CDC14B: variants seen among roughly 807,000 people sequenced by gnomAD.
CDC14B encodes cell division cycle 14B.
CDC14B carries 22 observed loss-of-function variants against 64.2 expected under a neutral mutation model. The ratio of observed to expected loss-of-function variants is 0.34; its 90% CI spans 0.24 to 0.49. The LOEUF (loss-of-function observed/expected upper bound fraction) is 0.49. Among genes scored for constraint, CDC14B ranks in the 20% least tolerant of loss-of-function variants. The pLI, the probability that CDC14B is intolerant of heterozygous loss-of-function variation, is 0.99. For missense variants in CDC14B, 498 were observed against 629.9 expected (o/e 0.79, Z 2.24); for synonymous variants, 191 against 215.8 (o/e 0.89, Z 1.01).
chr9:96,582,431 T>C (rs1282790132), intron 1 of CDC14B, among the ~76,000 whole-genome samples: 4 of 152,220 alleles, frequency 2.6e-5, no homozygotes, highest in African/African-American at 9.6e-5. Flanking sequence ...ACAAGTTACT[T>C]CCTCCTTCCT....
chr9:96,605,197 T>C (rs570797473), intron 1 of CDC14B, among the ~76,000 whole-genome samples: 1 of 151,804 alleles, frequency 6.6e-6, no homozygotes, highest in African/African-American at 2.4e-5. Flanking sequence ...AAAATAACAA[T>C]AACGTAATGG....
chr9:96,598,957 T>A (rs1416071065), intron 1 of CDC14B, among the ~76,000 whole-genome samples: 1 of 152,238 alleles, frequency 6.6e-6, no homozygotes, highest in Non-Finnish European at 1.5e-5. Context: ...AAAGTTGAAA[T>A]CTTTCCAAGA....
In CDC14B at chr9:96,541,886, A is replaced by G; in HGVS notation, c.504T>C (p.Ala168=). Reference sequence around the variant, plus strand: ...TGTAGAAATTGCAACTTCCATAGGCAGCATCTCTGAAACCCAAGAGTAATA... The same window carrying G: ...TGTAGAAATTGCAACTTCCATAGGCGGCATCTCTGAAACCCAAGAGTAATA... ...GETSYIPFRD[A]AYGSCNFYIT... is the part of the protein sequence containing the mutation. The change falls in exon 6 of 14, where the codon GCT becomes GCC. Residue 168 remains alanine (A), a synonymous_variant. Transcript: ENST00000375241. 6.2e-7 allele frequency: 1 copy of G among 1,607,136 alleles called. No individual in the cohort carries two copies. The highest frequency in any genetic ancestry group is 8.5e-7 in the Non-Finnish European group (1 of 1,175,172).
chr9:96,609,720 G>A (rs918891167), intron 1 of CDC14B, among the ~76,000 whole-genome samples: 39 of 152,284 alleles, frequency 2.6e-4, no homozygotes, highest in African/African-American at 8.9e-4. Context: ...AAATTGCAAA[G>A]CAGTGCCAAG....
At chr9:96,545,723 T>C (rs563496182) in intron 5 of CDC14B, among the ~76,000 whole-genome samples, 1 of 152,322 alleles carries the variant, frequency 6.6e-6, no homozygotes, top group South Asian at 2.1e-4. Flanking sequence ...TTTTTTTTTT[T>C]TTTGAGAACC....
chr9:96,613,527 C>T (rs890541928), intron 1 of CDC14B, among the ~76,000 whole-genome samples: 12 of 152,198 alleles, frequency 7.9e-5, no homozygotes, highest in Admixed American at 3.3e-4. Context: ...GTTGCCTCCA[C>T]GTGGTGTTGG....
At chr9:96,568,100 CT>C (rs1317630472) in intron 1 of CDC14B, among the ~76,000 whole-genome samples, 4 of 152,070 alleles carry the variant, frequency 2.6e-5, no homozygotes, top group Non-Finnish European at 5.9e-5. Flanking sequence ...TTTTCATTCC[CT>C]CCTGTATTTT....
At chr9:96,549,475 C>G (rs1471884515) in intron 5 of CDC14B, among the ~76,000 whole-genome samples, 1 of 151,878 alleles carries the variant, frequency 6.6e-6, no homozygotes, top group South Asian at 2.1e-4. Flanking sequence ...GACATCCTGG[C>G]CAACATGGTG....
chr9:96,581,803 G>A (rs1463993469), intron 1 of CDC14B, among the ~76,000 whole-genome samples: 1 of 152,166 alleles, frequency 6.6e-6, no homozygotes, highest in Non-Finnish European at 1.5e-5. Flanking sequence ...CCTGTTCAGT[G>A]TGGTCAAACA....
At chr9:96,596,893 C>T (rs1428125292) in intron 1 of CDC14B, among the ~76,000 whole-genome samples, 1 of 150,812 alleles carries the variant, frequency 6.6e-6, no homozygotes, top group East Asian at 1.9e-4. Context: ...TAAGAGTGAG[C>T]TATACAACAA....
At chr9:96,591,919 G>T (rs2118617648) in intron 1 of CDC14B, among the ~76,000 whole-genome samples, 1 of 152,034 alleles carries the variant, frequency 6.6e-6, no homozygotes, top group Non-Finnish European at 1.5e-5. Context: ...CTAATTTTTT[G>T]TATTTTTAGT....
intron 5 of CDC14B, among the ~76,000 whole-genome samples, chr9:96,549,020 G>C (rs2132009382): frequency 6.6e-6 from 1 of 152,138 alleles, no homozygotes; most frequent in South Asian, 2.1e-4. Context: ...AATATTATCA[G>C]GCTTTATTAA....
At position 96,522,378 on chromosome 9, in the gene CDC14B, T is replaced by C. The variant is rs754356795; in HGVS notation, c.1343+128A>G. The C allele has an allele frequency of 1.0e-5, 7 of 701,680 alleles. No individual in the cohort carries two copies. In the East Asian group the frequency reaches 1.8e-4, roughly 18 times the overall value. 43.5% of individuals were successfully genotyped at this position (701,680 alleles called of 1,614,324 possible). A position where few individuals can be genotyped will look rare whatever the true frequency, so the allele number is the denominator to read the frequency against. On this transcript the variant is annotated intron_variant, in intron 12 of 13. Coordinates refer to ENST00000375241, the MANE Select transcript of CDC14B (RefSeq NM_033331.4). ...CAGCACCCCTAGGTTTTAAATAACA[T>C]AGGCAAGCATTTCAAAGTGGCATCA...
rs1837059517 is a variant in CDC14B, at chr9:96,523,426, G to A, written c.1086-6C>T. The A allele has an allele frequency of 6.2e-7, 1 of 1,613,150 alleles. No individual in the cohort carries two copies. Among genetic ancestry groups the A allele is most frequent in the African/African-American group, 1.3e-5 (1 of 74,814 alleles). Reference sequence around the variant, plus strand: ...GCCAGAGGTTGGTTTGCTTCCTAGAGCATTTAAATAACATCAAAATAGAGC... The same window carrying A: ...GCCAGAGGTTGGTTTGCTTCCTAGAACATTTAAATAACATCAAAATAGAGC... On this transcript the variant is annotated splice_region_variant and splice_polypyrimidine_tract_variant and intron_variant, in intron 10 of 13. Coordinates refer to ENST00000375241, the MANE Select transcript of CDC14B (RefSeq NM_033331.4).
rs547246017 is a variant in CDC14B at position 96,544,143 on chromosome 9, G to A, written c.498-2251C>T. ...GAGGAAGGAGAATCACTTGAACCTGGGAGGCAGAGGTTGCAATGAGCCAAG... is the reference window on the plus strand; with the variant it reads ...GAGGAAGGAGAATCACTTGAACCTGAGAGGCAGAGGTTGCAATGAGCCAAG... On this transcript the variant is annotated intron_variant, in intron 5 of 13. Coordinates refer to ENST00000375241, the MANE Select transcript of CDC14B (RefSeq NM_033331.4). Among the ~76,000 whole-genome samples the A allele has an allele frequency of 6.6e-5, 10 of 152,114 alleles. No homozygotes were observed. The South Asian group carries it at 1.7e-3, about 25-fold the overall frequency.
chr9:96,556,170 A>T (rs1842478451), intron 4 of CDC14B, among the ~76,000 whole-genome samples: 1 of 152,194 alleles, frequency 6.6e-6, no homozygotes, highest in African/African-American at 2.4e-5. Flanking sequence ...ATTTCACCCT[A>T]GAGCTGAGAG....
At chr9:96,588,724 T>C (rs2066736744) in intron 1 of CDC14B, among the ~76,000 whole-genome samples, 1 of 152,160 alleles carries the variant, frequency 6.6e-6, no homozygotes, top group Admixed American at 6.5e-5. Flanking sequence ...TGGGCTCAAG[T>C]GATCGTCCCA....
chr9:96,513,314 A>T (rs1385319942), intron 12 of CDC14B, among the ~76,000 whole-genome samples: 1 of 152,140 alleles, frequency 6.6e-6, no homozygotes, highest in African/African-American at 2.4e-5. Context: ...GGGTTGGGGG[A>T]GAACTCCACT....
chr9:96,585,188 A>G (rs1038094056), intron 1 of CDC14B, among the ~76,000 whole-genome samples: 2 of 152,066 alleles, frequency 1.3e-5, no homozygotes, highest in African/African-American at 4.8e-5. Flanking sequence ...TATTTAAAGA[A>G]AATGGTGTGG....
Sources: gnomAD v4.1 joint callset for allele counts (sites outside exome capture counted in the v4.1 genomes callset) on GRCh38, gnomAD v4.1.1 for gene constraint, MANE v1.5 for transcripts, NCBI Gene and HGNC (gene_info 2026-07-23, HGNC 2026-07-21) for gene names.